Variants in KCNH5 observed in about 807,000 individuals in gnomAD.
KCNH5 encodes the protein voltage-gated delayed rectifier potassium channel KCNH5.
A neutral mutation model predicts 96.1 loss-of-function variants in KCNH5; 46 were observed. That is an observed-to-expected ratio of 0.48 (90% CI 0.38 to 0.61). The LOEUF (loss-of-function observed/expected upper bound fraction) is 0.61, where lower values mean the gene tolerates loss of function less well. Among genes scored for constraint, KCNH5 ranks in the 20% least tolerant of loss-of-function variants. The pLI is 0.00. For missense variants in KCNH5, 907 were observed against 1,225.8 expected (o/e 0.74, Z 3.88); for synonymous variants, 439 against 449.8 (o/e 0.98, Z 0.30).
At chr14:62,748,117 C>T (rs1325485367) in intron 10 of KCNH5, among the ~76,000 whole-genome samples, 2 of 152,062 alleles carry the variant, frequency 1.3e-5, no homozygotes, top group Non-Finnish European at 2.9e-5. Context: ...GGTGAGTCCA[C>T]AGTGCTAAGC....
chr14:62,947,689 A>G (rs932542211), intron 7 of KCNH5, among the ~76,000 whole-genome samples: 3 of 151,050 alleles, frequency 2.0e-5, no homozygotes, highest in Admixed American at 2.0e-4. Flanking sequence ...CCTCTGCAAC[A>G]TGGAATCTCA....
chr14:62,905,179 T>C (rs966760081), intron 7 of KCNH5, among the ~76,000 whole-genome samples: 1 of 152,200 alleles, frequency 6.6e-6, no homozygotes, highest in Non-Finnish European at 1.5e-5. Flanking sequence ...TTTTGTCCTA[T>C]CTTCAGAACT....
intron 8 of KCNH5, among the ~76,000 whole-genome samples, chr14:62,816,749 T>C (rs1274823006): frequency 2.0e-5 from 3 of 152,012 alleles, no homozygotes; most frequent in Non-Finnish European, 4.4e-5. Context: ...ATAGTAGATA[T>C]AGCAAATACA....
intron 7 of KCNH5, among the ~76,000 whole-genome samples, chr14:62,903,755 G>A (rs1352386970): frequency 6.6e-6 from 1 of 152,086 alleles, no homozygotes; most frequent in Non-Finnish European, 1.5e-5. Context: ...GATATCTAAA[G>A]AGAAAAATAA....
intron 7 of KCNH5, among the ~76,000 whole-genome samples, chr14:62,918,301 C>T (rs958905974): frequency 6.6e-6 from 1 of 152,166 alleles, no homozygotes; most frequent in Non-Finnish European, 1.5e-5. Flanking sequence ...TAATGTACAA[C>T]ATACAACTCT....
intron 10 of KCNH5, among the ~76,000 whole-genome samples, chr14:62,738,299 GT>G (rs1029398594): frequency 4.0e-5 from 6 of 151,810 alleles, no homozygotes; most frequent in East Asian, 1.9e-4. Flanking sequence ...CATACAAAAT[GT>G]TTTTTTTCTA....
intron 2 of KCNH5, among the ~76,000 whole-genome samples, chr14:63,010,385 C>A (rs777143529): frequency 1.4e-4 from 21 of 152,268 alleles, no homozygotes; most frequent in Non-Finnish European, 2.9e-4. Flanking sequence ...CTTCCCCACC[C>A]CAGCCTCACT....
chr14:62,833,157 C>A (rs1021210241), intron 8 of KCNH5, among the ~76,000 whole-genome samples: 5 of 151,328 alleles, frequency 3.3e-5, no homozygotes, highest in African/African-American at 9.7e-5. Context: ...TTTTTGGTCC[C>A]CTCACTATCT....
chr14:62,780,985 C>A (rs541530805), intron 9 of KCNH5, among the ~76,000 whole-genome samples: 1 of 152,012 alleles, frequency 6.6e-6, no homozygotes, highest in African/African-American at 2.4e-5. Flanking sequence ...TGTCATCATG[C>A]AGATTAAAAT....
intron 2 of KCNH5, among the ~76,000 whole-genome samples, chr14:63,014,205 A>T (rs966313019): frequency 6.6e-6 from 1 of 152,202 alleles, no homozygotes; most frequent in Admixed American, 6.6e-5. Flanking sequence ...GTTAAAAAGC[A>T]TGGTATAATC....
At chr14:62,764,907 G>A (rs546397348) in intron 10 of KCNH5, among the ~76,000 whole-genome samples, 7 of 152,078 alleles carry the variant, frequency 4.6e-5, no homozygotes, top group South Asian at 2.1e-4. Context: ...CTACACTCAC[G>A]GATAGGAAAA....
At chr14:62,995,654 G>C (rs1311547607) in intron 4 of KCNH5, among the ~76,000 whole-genome samples, 4 of 152,180 alleles carry the variant, frequency 2.6e-5, no homozygotes, top group African/African-American at 7.2e-5. Context: ...TGTTTCTCTT[G>C]TCCACTCACT....
chr14:62,732,145 C>T (rs1481764624), intron 10 of KCNH5, among the ~76,000 whole-genome samples: 1 of 152,174 alleles, frequency 6.6e-6, no homozygotes, highest in African/African-American at 2.4e-5. Context: ...CCACCTCTTA[C>T]TATCAGCAGA....
chr14:62,927,278 A>G (rs1481483147), intron 7 of KCNH5, among the ~76,000 whole-genome samples: 1 of 152,158 alleles, frequency 6.6e-6, no homozygotes, highest in Non-Finnish European at 1.5e-5. Context: ...ACCCTTGTGC[A>G]CTGTTGGTGG....
intron 1 of KCNH5, among the ~76,000 whole-genome samples, chr14:63,041,169 C>T (rs934866318): frequency 1.3e-5 from 2 of 152,078 alleles, no homozygotes; most frequent in Non-Finnish European, 2.9e-5. Context: ...GTAAAATGTG[C>T]TGCCCAAAGA....
At chr14:62,973,196 A>T (rs925796518) in intron 6 of KCNH5, among the ~76,000 whole-genome samples, 3 of 152,320 alleles carry the variant, frequency 2.0e-5, no homozygotes, top group African/African-American at 7.2e-5. Context: ...GTCTATTTTT[A>T]AAAAGGCTCA....
At chr14:62,821,419 G>A (rs1887111841) in intron 8 of KCNH5, among the ~76,000 whole-genome samples, 1 of 152,034 alleles carries the variant, frequency 6.6e-6, no homozygotes, top group Admixed American at 6.6e-5. Context: ...TTATTTGCAT[G>A]AGCCCATTTT....
chr14:62,889,364 T>A lies in KCNH5; in HGVS notation c.1370-39512A>T, dbSNP rs892849919. Among the ~76,000 whole-genome samples, 11 of 151,978 alleles carry A rather than the reference T, an allele frequency of 7.2e-5. No homozygotes were observed. The East Asian group carries it at 7.7e-4, about 11-fold the overall frequency. On this transcript the variant is annotated intron_variant, in intron 7 of 10. Transcript: ENST00000322893. The stretch of plus-strand genomic sequence containing the variant: ...ACAGAGCTTACATCCCAGCAGAGCA[T>A]CACATGGGGGCCAAGCCAGGAAAAG...
At chr14:62,817,202 T>TTATATATTATATATAATATAATA (rs1305150819) in intron 8 of KCNH5, among the ~76,000 whole-genome samples, 2 of 138,540 alleles carry the variant, frequency 1.4e-5, no homozygotes, top group Non-Finnish European at 3.1e-5. Flanking sequence ...ATATCATATA[T>TTATATATTATATATAATATAATA]CATATATTAT....
Sources: gnomAD v4.1 joint callset for allele counts (sites outside exome capture counted in the v4.1 genomes callset) on GRCh38, gnomAD v4.1.1 for gene constraint, MANE v1.5 for transcripts, NCBI Gene and HGNC (gene_info 2026-07-23, HGNC 2026-07-21) for gene names.